The following LAMC2 variants were observed in gnomAD, a reference collection of about 807,000 sequenced individuals.
LAMC2 encodes laminin subunit gamma-2.
Under a neutral mutation model 140.2 loss-of-function variants are expected in LAMC2, and 97 were observed. The ratio of observed to expected loss-of-function variants is 0.69; its 90% CI spans 0.59 to 0.82. LAMC2 has a LOEUF of 0.82. LAMC2 is among the 40% of genes least tolerant of loss of function. The pLI is 0.00. For missense variants in LAMC2, 1,402 were observed against 1,476.1 expected (o/e 0.95, Z 0.82); for synonymous variants, 513 against 540.2 (o/e 0.95, Z 0.70).
At chr1:183,240,763 A>G (rs1660112574) in intron 22 of LAMC2, 2 of 966,084 alleles carry the variant, frequency 2.1e-6, no homozygotes, top group African/African-American at 1.7e-5. Flanking sequence ...TCACCACTGT[A>G]TATTTCAGAA....
chr1:183,223,525 G>A (rs1659538737), intron 7 of LAMC2, among the ~76,000 whole-genome samples: 1 of 152,142 alleles, frequency 6.6e-6, no homozygotes, highest in South Asian at 2.1e-4. Context: ...AGAGAAAAAT[G>A]AATAGATAAT....
rs112411854 is a variant in LAMC2 at position 183,220,737 on chromosome 1, A to G, written c.504-88A>G. 1.5e-4 allele frequency: 205 copies of G among 1,330,346 alleles called. No individual in the cohort carries two copies. The African/African-American group carries it at 2.8e-3, about 18-fold the overall frequency. The allele number at this position is 1,330,346 out of a possible 1,614,324, so 82.4% of individuals were successfully genotyped here. ...AAATTAATAGGGCCAAATGGAAGAG[A>G]AGGTAGAGAGGCTGACTCATTCATC... On this transcript the variant is annotated intron_variant, in intron 4 of 22. Transcript: ENST00000264144.
At chr1:183,219,413 T>C (rs1659397514) in intron 4 of LAMC2, among the ~76,000 whole-genome samples, 1 of 152,192 alleles carries the variant, frequency 6.6e-6, no homozygotes, top group African/African-American at 2.4e-5. Flanking sequence ...AGAAATGTTA[T>C]CACCACCAAT....
At chr1:183,217,138 G>C (rs1162715439) in intron 3 of LAMC2, among the ~76,000 whole-genome samples, 1 of 152,068 alleles carries the variant, frequency 6.6e-6, no homozygotes, top group Non-Finnish European at 1.5e-5. Flanking sequence ...AGGGGTCAAG[G>C]GTGCTCCAGG....
Position 183,232,691 on chromosome 1 carries a change from G to A in LAMC2, c.2054G>A (p.Arg685Lys). 1.2e-6 allele frequency: 2 copies of A among 1,613,522 alleles called. No homozygotes were observed. The highest frequency in any genetic ancestry group is 8.5e-7 in the Non-Finnish European group (1 of 1,179,926). Reference protein sequence around the residue: ...RSLGLQLAKVRSQENSYQSRL... With the variant: ...RSLGLQLAKVKSQENSYQSRL... ...CTTGGTCTCCAGTTGGCCAAGGTGA[G>A]GAGCCAAGAGAACAGCTACCAGAGC... Residue 685 changes from arginine (R) to lysine (K), a missense_variant, in exon 14 of 23, where the codon AGG (arginine) becomes AAG (lysine). Arg to Lys is a conservative substitution (Grantham distance 26). Coordinates refer to ENST00000264144, the MANE Select transcript of LAMC2 (RefSeq NM_005562.3).
chr1:183,256,744 T>C, the LAMC2 span, among the ~76,000 whole-genome samples: 1 of 152,148 alleles, frequency 6.6e-6, no homozygotes, highest in Non-Finnish European at 1.5e-5. Context: ...ATCAGAAATA[T>C]TGGCCTACAG....
At chr1:183,201,719 A>G (rs1347876872) in intron 1 of LAMC2, among the ~76,000 whole-genome samples, 1 of 152,222 alleles carries the variant, frequency 6.6e-6, no homozygotes, top group Non-Finnish European at 1.5e-5. Flanking sequence ...CAGCCTGGCC[A>G]ACAGGGTGAA....
Position 183,186,393 on chromosome 1 carries a change from T to C in LAMC2, c.41T>C (p.Leu14Pro). The change falls in exon 1 of 23, where the codon CTC becomes CCC. Residue 14 changes from leucine (L) to proline (P), a missense_variant. Physicochemically the swap from Leu to Pro is moderately conservative, Grantham distance 98 (BLOSUM62 -3). Coordinates refer to ENST00000264144, the MANE Select transcript of LAMC2 (RefSeq NM_005562.3). ...LWLGCCLCFSLLLPAARATSR... is the reference protein window; with the variant it reads ...LWLGCCLCFSPLLPAARATSR... ...CTGGGCTGCTGCCTCTGCTTCTCGC[T>C]CCTCCTGCCCGCAGCCCGGGCCACC... 6.2e-7 allele frequency: 1 copy of C among 1,605,920 alleles called. No homozygotes were observed. The highest frequency in any genetic ancestry group is 8.5e-7 in the Non-Finnish European group (1 of 1,179,664).
At chr1:183,220,712 AAATTAATAGGGCC>A (rs1659439989) in intron 4 of LAMC2, 100 bp from the exon 5 acceptor site, 1 of 1,155,128 alleles carries the variant, frequency 8.7e-7, no homozygotes. Flanking sequence ...CCTCCTCTGA[AAATTAATAGGGCC>A]AAATGGAAGA....
At chr1:183,222,940 C>T (rs1170955555) in intron 6 of LAMC2, among the ~76,000 whole-genome samples, 195 bp from the exon 7 acceptor site, 1 of 152,174 alleles carries the variant, frequency 6.6e-6, no homozygotes, top group East Asian at 1.9e-4. Flanking sequence ...CTTATCATTT[C>T]AGTAACTAAC....
At chr1:183,254,375 T>G in the LAMC2 span, among the ~76,000 whole-genome samples, 4 of 152,312 alleles carry the variant, frequency 2.6e-5, no homozygotes, top group East Asian at 7.7e-4. Flanking sequence ...GTTAGCAATT[T>G]TTATGTCATC....
At chr1:183,238,945 C>T (rs1238604868) in intron 19 of LAMC2, among the ~76,000 whole-genome samples, 1 of 152,222 alleles carries the variant, frequency 6.6e-6, no homozygotes, top group Non-Finnish European at 1.5e-5. Flanking sequence ...GGCTTCTTCA[C>T]TAAAGCACAA....
downstream of LAMC2, among the ~76,000 whole-genome samples, chr1:183,245,583 C>T (rs1571546079): frequency 6.6e-6 from 1 of 152,314 alleles, no homozygotes; most frequent in South Asian, 2.1e-4. Context: ...AGGAAGGATA[C>T]ACAGGAAAGC....
At position 183,234,467 on chromosome 1, in the gene LAMC2, C is replaced by T. The variant is rs1433329445; in HGVS notation, c.2300+21C>T. The T allele has an allele frequency of 1.9e-6, 3 of 1,594,794 alleles. No homozygotes were observed. In the African/African-American group the frequency reaches 4.0e-5, roughly 21 times the overall value. On this transcript the variant is annotated intron_variant, in intron 15 of 22. Coordinates refer to ENST00000264144, the MANE Select transcript of LAMC2 (RefSeq NM_005562.3). ...GAAAGGTGAGCAGCATTAGAGGGCA[C>T]CTCTGCTTCAAGCCGTCTCTGCAAG...
At chr1:183,214,980 T>C (rs549525765) in intron 2 of LAMC2, among the ~76,000 whole-genome samples, 1 of 152,242 alleles carries the variant, frequency 6.6e-6, no homozygotes, top group South Asian at 2.1e-4. Context: ...GGCAGGTGGA[T>C]AGTTTTGGTT....
At chr1:183,213,586 G>A (rs547522877) in intron 2 of LAMC2, among the ~76,000 whole-genome samples, 1 of 151,468 alleles carries the variant, frequency 6.6e-6, no homozygotes, top group South Asian at 2.1e-4. Flanking sequence ...TGGATCATGA[G>A]GTCAGGAGTT....
intron 2 of LAMC2, 56 bp downstream of exon 2, chr1:183,208,125 G>A: frequency 1.4e-6 from 2 of 1,450,640 alleles, no homozygotes; most frequent in Non-Finnish European, 1.9e-6. Flanking sequence ...GGAGACAAGA[G>A]GGAAGGAAGG....
Position 183,232,735 on chromosome 1 carries a change from A to G in LAMC2, c.2098A>G (p.Met700Val), listed in dbSNP as rs1232622684. 5 of 1,613,906 alleles carry G rather than the reference A, an allele frequency of 3.1e-6. No homozygotes were observed. The highest frequency in any genetic ancestry group is 4.2e-6 in the Non-Finnish European group (5 of 1,179,998). ...CCAGAGCCGCCTGGATGACCTCAAG[A>G]TGACTGTGGAAAGAGTTCGGGCTCT... is the stretch of plus-strand genomic sequence containing the variant. The part of the protein sequence containing the change: ...SYQSRLDDLK[M>V]TVERVRALGS... The change falls in exon 14 of 23, where the codon ATG becomes GTG. Residue 700 changes from methionine to valine, a missense_variant. Met to Val is a conservative substitution (Grantham distance 21, BLOSUM62 1). Around this residue, in one of 3 missense-constraint regions of LAMC2, gnomAD observed 670 missense variants for 667.2 expected, o/e 1.00. Transcript: ENST00000264144.
chr1:183,223,718 A>G (rs988464705), intron 7 of LAMC2, among the ~76,000 whole-genome samples: 1 of 152,218 alleles, frequency 6.6e-6, no homozygotes, highest in African/African-American at 2.4e-5. Context: ...AGGCAGAGGA[A>G]ATGCAATGCT....
Sources: gnomAD v4.1 joint callset for allele counts (sites outside exome capture counted in the v4.1 genomes callset) on GRCh38, gnomAD v4.1.1 for gene constraint, gnomAD v4.1.1 regional missense constraint, MANE v1.5 for transcripts, NCBI Gene and HGNC (gene_info 2026-07-23, HGNC 2026-07-21) for gene names.